Variants in HYAL4 observed in about 807,000 individuals in gnomAD.
HYAL4 encodes hyaluronidase-4.
In HYAL4, 37 loss-of-function variants were observed where a neutral mutation model predicts 35.2. The ratio of observed to expected loss-of-function variants is 1.05; its 90% CI spans 0.81 to 1.38. The LOEUF (loss-of-function observed/expected upper bound fraction) is 1.38, where lower values mean the gene tolerates loss of function less well. Ranked by LOEUF, HYAL4 falls within the 40% of genes most tolerant of loss-of-function variation. The pLI, the probability that HYAL4 is intolerant of heterozygous loss-of-function variation, is 0.00. For missense variants in HYAL4, 572 were observed against 572.4 expected, an observed-to-expected ratio of 1.00 and a Z score of 0.01; for synonymous variants, 198 against 203.2, an observed-to-expected ratio of 0.97 and a Z score of 0.22.
In HYAL4 at chr7:123,868,391, C is replaced by T. The variant is rs1030555662; in HGVS notation, c.118C>T (p.Leu40Phe). The change falls in exon 3 of 5, where the codon CTT becomes TTT. Residue 40 changes from leucine to phenylalanine, a missense_variant. Physicochemically the swap from Leu to Phe is conservative, Grantham distance 22. Transcript: ENST00000223026. ...TATCTCTTGTCTAAAACCTGCTCGA[C>T]TTCCAATTTATCAAAGGAAACCTTT... ...KSISCLKPARLPIYQRKPFIA... is the reference protein window; with the variant it reads ...KSISCLKPARFPIYQRKPFIA... 10 of 1,612,816 alleles carry T rather than the reference C, an allele frequency of 6.2e-6. No homozygotes were observed. The highest frequency in any genetic ancestry group is 3.3e-4 in the Middle Eastern group (2 of 6,074).
At chr7:123,855,271 C>G (rs1167022547) in intron 2 of HYAL4, among the ~76,000 whole-genome samples, 1 of 152,030 alleles carries the variant, frequency 6.6e-6, no homozygotes, top group African/African-American at 2.4e-5. Context: ...ATTTTGCCCA[C>G]TGGTCAATGC....
the HYAL4 span, among the ~76,000 whole-genome samples, chr7:123,802,139 T>C: frequency 6.6e-6 from 1 of 152,146 alleles, no homozygotes; most frequent in Non-Finnish European, 1.5e-5. Flanking sequence ...GCCTGATGCT[T>C]CCAAAAAGAA....
chr7:123,863,169 T>C (rs1055121259), intron 2 of HYAL4, among the ~76,000 whole-genome samples: 2 of 152,220 alleles, frequency 1.3e-5, no homozygotes, highest in African/African-American at 4.8e-5. Flanking sequence ...ACTGTTCTTA[T>C]TTATTATCTC....
At chr7:123,770,207 T>G in the HYAL4 span, among the ~76,000 whole-genome samples, 1 of 151,802 alleles carries the variant, frequency 6.6e-6, no homozygotes, top group Non-Finnish European at 1.5e-5. Flanking sequence ...AAATCCCCTT[T>G]GGGAGGCCGA....
intron 2 of HYAL4, among the ~76,000 whole-genome samples, chr7:123,853,077 C>T (rs1481701722): frequency 6.6e-6 from 1 of 152,134 alleles, no homozygotes; most frequent in Non-Finnish European, 1.5e-5. Context: ...GGTTTTTGCA[C>T]ATTGATTTTG....
At chr7:123,837,031 CAG>C (rs1358474899) in intron 1 of HYAL4, among the ~76,000 whole-genome samples, 2 of 150,866 alleles carry the variant, frequency 1.3e-5, no homozygotes, top group African/African-American at 4.9e-5. Context: ...AAAACAAAAA[CAG>C]AAACAAAAAA....
At chr7:123,791,411 C>T in the HYAL4 span, among the ~76,000 whole-genome samples, 6 of 152,144 alleles carry the variant, frequency 3.9e-5, no homozygotes, top group Non-Finnish European at 5.9e-5. Flanking sequence ...TCTTTACACT[C>T]AAGATACAAG....
intron 2 of HYAL4, among the ~76,000 whole-genome samples, chr7:123,854,508 A>T (rs1013993555): frequency 6.6e-6 from 1 of 152,202 alleles, no homozygotes; most frequent in South Asian, 2.1e-4. Flanking sequence ...GAGGTTGTTC[A>T]GTTCCCACGT....
intron 1 of HYAL4, among the ~76,000 whole-genome samples, chr7:123,846,977 G>T (rs1396244596): frequency 2.0e-5 from 3 of 152,120 alleles, no homozygotes; most frequent in African/African-American, 7.2e-5. Flanking sequence ...CACAGCTTGG[G>T]CTCTATTTGG....
the HYAL4 span, among the ~76,000 whole-genome samples, chr7:123,790,211 A>T: frequency 6.6e-6 from 1 of 152,224 alleles, no homozygotes; most frequent in Non-Finnish European, 1.5e-5. Flanking sequence ...AGTAATGAAA[A>T]CAGGGGAAAC....
the HYAL4 span, among the ~76,000 whole-genome samples, chr7:123,803,288 A>G: frequency 6.6e-6 from 1 of 152,218 alleles, no homozygotes; most frequent in Non-Finnish European, 1.5e-5. Context: ...TTAAATTTAA[A>G]TTGAATTTAA....
the HYAL4 span, among the ~76,000 whole-genome samples, chr7:123,816,869 C>G: frequency 1.3e-5 from 2 of 151,890 alleles, no homozygotes; most frequent in Admixed American, 1.3e-4. Flanking sequence ...TAAACCAGTC[C>G]TGTTTGGTAT....
chr7:123,832,976 C>T (rs767722860), intron 1 of HYAL4, among the ~76,000 whole-genome samples: 2 of 152,118 alleles, frequency 1.3e-5, no homozygotes, highest in African/African-American at 4.8e-5. Context: ...ATAAATACCA[C>T]AATTTCTTTA....
chr7:123,775,179 TC>T, the HYAL4 span, among the ~76,000 whole-genome samples: 1 of 152,218 alleles, frequency 6.6e-6, no homozygotes, highest in South Asian at 2.1e-4. Flanking sequence ...ACGCCTGTAA[TC>T]CTGGCACTTT....
chr7:123,790,511 C>T, the HYAL4 span: 11 of 151,460 alleles, frequency 7.3e-5, no homozygotes, highest in South Asian at 8.4e-4. Context: ...TTATCTGTAA[C>T]GCTCTCTTGA....
intron 2 of HYAL4, among the ~76,000 whole-genome samples, chr7:123,857,661 C>CTTTGTTTGTTTGTTTCTTTCTTTCTTTG (rs55760125): frequency 2.5e-4 from 22 of 88,322 alleles, no homozygotes; most frequent in Non-Finnish European, 4.7e-4. Flanking sequence ...TTGTTTCTTT[C>CTTTGTTTGTTTGTTTCTTTCTTTCTTTG]TTTGTTTGTT....
At chr7:123,840,582 C>T (rs192644004), upstream of HYAL4, among the ~76,000 whole-genome samples, 17 of 151,968 alleles carry the variant, frequency 1.1e-4, 1 homozygote, top group African/African-American at 2.9e-4. Flanking sequence ...TTGGGCAGTA[C>T]GGCCATTTTC....
chr7:123,815,032 G>A, the HYAL4 span: 4 of 152,460 alleles, frequency 2.6e-5, no homozygotes, highest in African/African-American at 9.7e-5. Flanking sequence ...TCTGTCACAG[G>A]TAAGGAAAAG....
chr7:123,784,101 A>G, the HYAL4 span, among the ~76,000 whole-genome samples: 1 of 152,202 alleles, frequency 6.6e-6, no homozygotes, highest in Non-Finnish European at 1.5e-5. Context: ...TGTTGTTTGA[A>G]TATCCTTCAG....
Sources: allele counts gnomAD v4.1 joint callset (sites outside exome capture counted in the v4.1 genomes callset), GRCh38; gene constraint gnomAD v4.1.1; transcripts MANE v1.5; gene names NCBI Gene and HGNC (gene_info 2026-07-23, HGNC 2026-07-21).